NCALD: variants seen among roughly 807,000 people sequenced by gnomAD.
NCALD encodes neurocalcin delta, also known as neurocalcin-delta.
NCALD carries 10 observed loss-of-function variants against 18.6 expected under a neutral mutation model. That is an observed-to-expected ratio of 0.54 (90% CI 0.33 to 0.91). The LOEUF is 0.91. Ranked by LOEUF, NCALD falls within the 40% of genes least tolerant of loss-of-function variation. The pLI is 0.03. For missense variants in NCALD, 184 were observed against 247.6 expected, an observed-to-expected ratio of 0.74 and a Z score of 1.72; for synonymous variants, 88 against 87.4, an observed-to-expected ratio of 1.01 and a Z score of -0.04.
At chr8:102,022,821 C>T (rs886887442) in intron 1 of NCALD, among the ~76,000 whole-genome samples, 4 of 152,282 alleles carry the variant, frequency 2.6e-5, no homozygotes, top group East Asian at 1.9e-4. Context: ...TTGTGGTTCC[C>T]GAGAAAGAGG....
At chr8:101,922,366 T>A (rs1563899265) in intron 2 of NCALD, among the ~76,000 whole-genome samples, 3 of 152,126 alleles carry the variant, frequency 2.0e-5, no homozygotes, top group Non-Finnish European at 4.4e-5. Context: ...AGAAGAAGAA[T>A]TCTGTCTATT....
At chr8:102,070,103 G>C (rs1018782639) in intron 1 of NCALD, 3 of 149,912 alleles carry the variant, frequency 2.0e-5, no homozygotes, top group African/African-American at 7.4e-5. Context: ...GAGAGAGCCA[G>C]ACTCTGTCTC....
chr8:101,833,229 T>G (rs1420242819), intron 4 of NCALD, among the ~76,000 whole-genome samples: 1 of 152,182 alleles, frequency 6.6e-6, no homozygotes, highest in Non-Finnish European at 1.5e-5. Context: ...CTTCAGATTC[T>G]TATTCAATAG....
chr8:101,710,687 A>T (rs1457481567), intron 2 of NCALD, among the ~76,000 whole-genome samples: 1 of 152,202 alleles, frequency 6.6e-6, no homozygotes, highest in African/African-American at 2.4e-5. Flanking sequence ...CAGCACCACA[A>T]AGTTGCTGTT....
intron 2 of NCALD, among the ~76,000 whole-genome samples, chr8:101,925,313 A>T (rs2131672564): frequency 6.6e-6 from 1 of 152,268 alleles, no homozygotes; most frequent in South Asian, 2.1e-4. Context: ...TTCATTGAAC[A>T]AACATTTATT....
In NCALD at chr8:101,975,355, A is replaced by C. The variant is rs182566957; in HGVS notation, c.-157+44882T>G. On this transcript the variant is annotated intron_variant, in intron 2 of 6. Transcript: ENST00000311028. ...ATAGGAATCACCTGGAGAGCTGTTG[A>C]ACTATGGCTCTCTAAGCCCCACCCC... is the stretch of plus-strand genomic sequence containing the variant. 1.5e-3 allele frequency: 224 copies of C among 152,270 alleles called. 3 individuals are homozygous for C. Among genetic ancestry groups the C allele is most frequent in the African/African-American group, 4.7e-3 (195 of 41,534 alleles). The allele number at this position is 152,270 out of a possible 1,614,324, so 9.4% of individuals were successfully genotyped here.
chr8:101,976,907 A>T (rs1433105261), intron 2 of NCALD, among the ~76,000 whole-genome samples: 1 of 152,272 alleles, frequency 6.6e-6, no homozygotes, highest in African/African-American at 2.4e-5. Context: ...AGAGCATCCA[A>T]GGCAAAGGGG....
chr8:102,087,192 C>T (rs1005432185), intron 1 of NCALD, among the ~76,000 whole-genome samples: 2 of 152,164 alleles, frequency 1.3e-5, no homozygotes, highest in East Asian at 1.9e-4. Flanking sequence ...GATCCAAGAA[C>T]CCTCTCTCAG....
chr8:101,924,059 G>A (rs889084341), intron 2 of NCALD, among the ~76,000 whole-genome samples: 1 of 152,088 alleles, frequency 6.6e-6, no homozygotes, highest in Non-Finnish European at 1.5e-5. Flanking sequence ...CAGTTCTTCA[G>A]CCTAGGCCTC....
chr8:101,797,730 C>T (rs747551441), intron 4 of NCALD, among the ~76,000 whole-genome samples: 34 of 151,752 alleles, frequency 2.2e-4, no homozygotes, highest in Admixed American at 3.3e-4. Context: ...GCAGGAGAAT[C>T]GCTTGAACCT....
At chr8:101,804,869 G>A (rs1209020585) in intron 4 of NCALD, among the ~76,000 whole-genome samples, 2 of 151,202 alleles carry the variant, frequency 1.3e-5, no homozygotes, top group South Asian at 2.1e-4. Context: ...CAGTGGGCTG[G>A]AATCAAACCT....
intron 1 of NCALD, among the ~76,000 whole-genome samples, chr8:102,088,026 G>A (rs1824798034): frequency 1.3e-5 from 2 of 152,182 alleles, no homozygotes; most frequent in South Asian, 4.1e-4. Flanking sequence ...TTAAGCTGCA[G>A]CAAATCTTTT....
At chr8:102,011,206 C>A (rs2132065777) in intron 2 of NCALD, among the ~76,000 whole-genome samples, 1 of 152,292 alleles carries the variant, frequency 6.6e-6, no homozygotes, top group Non-Finnish European at 1.5e-5. Flanking sequence ...AACCCCTACT[C>A]CCCCAACACA....
intron 2 of NCALD, among the ~76,000 whole-genome samples, chr8:101,712,287 C>T (rs991897883): frequency 5.3e-5 from 8 of 152,090 alleles, no homozygotes; most frequent in African/African-American, 1.4e-4. Context: ...AAAACTGGTA[C>T]CAACCACTGC....
At chr8:102,057,204 G>A (rs1346212276) in intron 1 of NCALD, among the ~76,000 whole-genome samples, 2 of 150,990 alleles carry the variant, frequency 1.3e-5, no homozygotes, top group Non-Finnish European at 2.9e-5. Flanking sequence ...CTGGGCCTTC[G>A]CACATGGTTT....
intron 4 of NCALD, among the ~76,000 whole-genome samples, chr8:101,869,708 A>G (rs1257461003): frequency 6.6e-6 from 1 of 152,194 alleles, no homozygotes; most frequent in Non-Finnish European, 1.5e-5. Flanking sequence ...TACTGTTTTA[A>G]TAGAAGACTT....
intron 2 of NCALD, among the ~76,000 whole-genome samples, chr8:101,957,288 G>GTTTTTTTTTT (rs1563932101): frequency 7.0e-5 from 9 of 128,188 alleles, no homozygotes; most frequent in African/African-American, 2.8e-4. Flanking sequence ...GAAAAGTTGG[G>GTTTTTTTTTT]GTTTTTTTTT....
intron 1 of NCALD, among the ~76,000 whole-genome samples, chr8:102,043,454 G>A (rs766306315): frequency 3.3e-5 from 5 of 151,658 alleles, no homozygotes; most frequent in Non-Finnish European, 7.4e-5. Context: ...TTAATAGACT[G>A]ACATTAATAG....
At chr8:101,819,637 C>T (rs1813639778) in intron 4 of NCALD, among the ~76,000 whole-genome samples, 1 of 152,132 alleles carries the variant, frequency 6.6e-6, no homozygotes, top group Non-Finnish European at 1.5e-5. Flanking sequence ...TGTTTGACAG[C>T]ACCAGGCCAT....
Sources: allele counts gnomAD v4.1 joint callset (sites outside exome capture counted in the v4.1 genomes callset), GRCh38; gene constraint gnomAD v4.1.1; transcripts MANE v1.5; gene names NCBI Gene and HGNC (gene_info 2026-07-23, HGNC 2026-07-21).